HMCN1: variants seen among roughly 807,000 people sequenced by gnomAD.
HMCN1 encodes hemicentin 1.
A neutral mutation model predicts 625.9 loss-of-function variants in HMCN1; 321 were observed. The ratio of observed to expected loss-of-function variants is 0.51; its 90% confidence interval spans 0.47 to 0.56. The LOEUF (loss-of-function observed/expected upper bound fraction) is 0.56, where lower values mean the gene tolerates loss of function less well. Among genes scored for constraint, HMCN1 ranks in the 20% least tolerant of loss-of-function variants. The pLI is 0.00. For missense variants in HMCN1, 6,588 were observed against 6,887.3 expected (o/e 0.96, Z 1.54); for synonymous variants, 2,425 against 2,417.6 (o/e 1.00, Z -0.09).
In HMCN1 at chr1:185,990,500, G is replaced by T. The variant is rs1652352766; in HGVS notation, c.3377+57G>T. On this transcript the variant is annotated intron_variant, in intron 22 of 106. Coordinates refer to ENST00000271588, the MANE Select transcript of HMCN1 (RefSeq NM_031935.3). ...AAAACATAATCAACCTCTTGGGACA[G>T]ATGGCCATGCCTATTCAGGTTATCA... 25 of 1,447,736 alleles carry T rather than the reference G, an allele frequency of 1.7e-5. 1 individual carries two copies. In the South Asian group the frequency reaches 2.9e-4, roughly 17 times the overall value. 89.7% of individuals were successfully genotyped at this position (1,447,736 alleles called of 1,614,324 possible). A position where few individuals can be genotyped will look rare whatever the true frequency, so the allele number is the denominator to read the frequency against.
At position 186,117,059 on chromosome 1, in the gene HMCN1, G is replaced by T. The variant is rs1332676578; in HGVS notation, c.11627G>T (p.Cys3876Phe). The T allele has an allele frequency of 6.2e-7, 1 of 1,613,538 alleles. No individual in the cohort carries two copies. The highest frequency in any genetic ancestry group is 8.5e-7 in the Non-Finnish European group (1 of 1,179,568). The change falls in exon 76 of 107, where the codon TGT (cysteine) becomes TTT (phenylalanine). Residue 3876 changes from cysteine (C) to phenylalanine (F), a missense_variant. Cys to Phe is a radical substitution (Grantham distance 205). Around this residue, in one of 3 missense-constraint regions of HMCN1, gnomAD observed 4,628 missense variants for 4,853.1 expected, o/e 0.95. Coordinates refer to ENST00000271588, the MANE Select transcript of HMCN1 (RefSeq NM_031935.3). ...PSVDDTATYECTVTNGAGDDK... is the reference protein window; with the variant it reads ...PSVDDTATYEFTVTNGAGDDK... ...GTGGATGACACTGCAACCTATGAATGTACTGTGACAAACGGTGCTGGAGAT... is the reference window on the plus strand; with the variant it reads ...GTGGATGACACTGCAACCTATGAATTTACTGTGACAAACGGTGCTGGAGAT...
chr1:186,045,829 G>T lies in HMCN1; in HGVS notation c.6446G>T (p.Gly2149Val). Residue 2149 changes from glycine to valine, a missense_variant, in exon 41 of 107, where the codon GGC becomes GTC. Physicochemically the swap from Gly to Val is moderately radical, Grantham distance 109. Transcript: ENST00000271588. ...GGCCACCCCTTGCTGAAGAAACCAG[G>T]CCTCAGTATATCTGAAAATAGAAGT... ...KDGHPLLKKP[G>V]LSISENRSVL... The T allele has an allele frequency of 6.2e-7, 1 of 1,612,574 alleles. No homozygotes were observed. Among genetic ancestry groups the T allele is most frequent in the Non-Finnish European group, 8.5e-7 (1 of 1,178,874 alleles).
At position 185,780,244 on chromosome 1, in the gene HMCN1, T is replaced by G. The variant is rs565748575; in HGVS notation, c.268+45197T>G. On this transcript the variant is annotated intron_variant, in intron 1 of 106. Coordinates refer to ENST00000271588, the MANE Select transcript of HMCN1 (RefSeq NM_031935.3). Reference sequence around the variant, plus strand: ...GTTGCTTATCAGCTTAAGGAGATTTTGGGCTGAGATGATGGGGTTTTCTAA... The same window carrying G: ...GTTGCTTATCAGCTTAAGGAGATTTGGGGCTGAGATGATGGGGTTTTCTAA... Among the ~76,000 whole-genome samples, 572 of 152,342 alleles carry G rather than the reference T, an allele frequency of 3.8e-3. 3 individuals are homozygous for G. The highest frequency in any genetic ancestry group is 0.013 in the African/African-American group (542 of 41,568).
intron 1 of HMCN1, among the ~76,000 whole-genome samples, chr1:185,788,446 G>T (rs1426973923): frequency 6.6e-6 from 1 of 152,220 alleles, no homozygotes; most frequent in Non-Finnish European, 1.5e-5. Context: ...AAATGGAAAA[G>T]ATGTACTGTT....
chr1:186,025,010 A>C (rs1258360667), intron 36 of HMCN1, among the ~76,000 whole-genome samples: 1 of 152,188 alleles, frequency 6.6e-6, no homozygotes, highest in Admixed American at 6.6e-5. Flanking sequence ...CATAATGTAG[A>C]ATCAGTGGAA....
Position 186,187,972 on chromosome 1 carries a change from C to A in HMCN1, c.16504C>A (p.Pro5502Thr). The stretch of plus-strand genomic sequence containing the variant: ...AGGAAGCTACCAGTGCATCGATACA[C>A]CCTGTCCACCCAACTACCAACGGGA... ...MRGSYQCIDT[P>T]CPPNYQRDPV... is the part of the protein sequence containing the mutation. The change falls in exon 106 of 107, where the codon CCC becomes ACC. Residue 5502 changes from proline (P) to threonine (T), a missense_variant. Coordinates refer to ENST00000271588, the MANE Select transcript of HMCN1 (RefSeq NM_031935.3). 6.2e-7 allele frequency: 1 copy of A among 1,613,850 alleles called. No homozygotes were observed.
chr1:186,173,640 C>CAAAAAAAA (rs762258823), intron 102 of HMCN1, among the ~76,000 whole-genome samples: 4 of 74,668 alleles, frequency 5.4e-5, no homozygotes, highest in African/African-American at 1.0e-4. Flanking sequence ...GACTCCATCT[C>CAAAAAAAA]AAAAAAAAAA....
chr1:185,859,353 G>A (rs1662724421), intron 2 of HMCN1, among the ~76,000 whole-genome samples: 1 of 151,970 alleles, frequency 6.6e-6, no homozygotes, highest in African/African-American at 2.4e-5. Flanking sequence ...TCAATCAAAT[G>A]TATCATTCTA....
chr1:186,086,833 TAGATA>T (rs1169780277), intron 58 of HMCN1, among the ~76,000 whole-genome samples: 4 of 105,328 alleles, frequency 3.8e-5, no homozygotes, highest in Non-Finnish European at 8.7e-5. Flanking sequence ...GATAGATAGA[TAGATA>T]GATAGATAGA....
chr1:186,001,626 C>A lies in HMCN1; in HGVS notation c.4233C>A (p.Asn1411Lys). 6.2e-7 allele frequency: 1 copy of A among 1,613,096 alleles called. No homozygotes were observed. Among genetic ancestry groups the A allele is most frequent in the Non-Finnish European group, 8.5e-7 (1 of 1,179,326 alleles). Residue 1411 changes from asparagine to lysine, a missense_variant, in exon 28 of 107, where the codon AAC (asparagine) becomes AAA (lysine). Asn to Lys is a moderately conservative substitution (Grantham distance 94). Coordinates refer to ENST00000271588, the MANE Select transcript of HMCN1 (RefSeq NM_031935.3). ...AAAGCAGCACTATTCAGACTGTGAA[C>A]AATGGGAAGATACTGAAGCTCTTCA... ...VTESSTIQTV[N>K]NGKILKLFRA... is the part of the protein sequence containing the mutation.
Position 186,115,226 on chromosome 1 carries a change from T to G in HMCN1, c.11405-32T>G, listed in dbSNP as rs771722654. The G allele has an allele frequency of 4.3e-6, 7 of 1,612,816 alleles. No individual in the cohort carries two copies. The South Asian group carries it at 7.7e-5, about 18-fold the overall frequency. On this transcript the variant is annotated intron_variant, in intron 74 of 106. Coordinates refer to ENST00000271588, the MANE Select transcript of HMCN1 (RefSeq NM_031935.3). ...CAAATGGCACGCTATTTGCTGACTG[T>G]GTTTCCTTCTTATTTGGTGACATTG...
rs1180644579 is a variant in HMCN1, at chr1:185,808,282, G to T, written c.269-37744G>T. On this transcript the variant is annotated intron_variant, in intron 1 of 106. Coordinates refer to ENST00000271588, the MANE Select transcript of HMCN1 (RefSeq NM_031935.3). Reference sequence around the variant, plus strand: ...GAATCCCTTGAACCTCAGAAGCAGAGGTTGCAGATAGCTGAGATCATGCCA... The same window carrying T: ...GAATCCCTTGAACCTCAGAAGCAGATGTTGCAGATAGCTGAGATCATGCCA... 3.9e-5 allele frequency among the ~76,000 whole-genome samples: 6 copies of T among 152,218 alleles called. No individual in the cohort carries two copies. The East Asian group carries it at 1.2e-3, about 29-fold the overall frequency.
In HMCN1 at chr1:186,066,498, G is replaced by A. The variant is rs78779584; in HGVS notation, c.7705+1069G>A. Among the ~76,000 whole-genome samples the A allele has an allele frequency of 7.2e-5, 11 of 152,050 alleles. No individual in the cohort carries two copies. In the South Asian group the frequency reaches 2.1e-3, roughly 29 times the overall value. On this transcript the variant is annotated intron_variant, in intron 49 of 106. Transcript: ENST00000271588. ...AGTTACTCCTTGCACTTACACCCTC[G>A]ACCCTGTATCTTTCCACCATCTGCC... is the stretch of plus-strand genomic sequence containing the variant.
At chr1:185,795,937 C>G (rs1382767556) in intron 1 of HMCN1, among the ~76,000 whole-genome samples, 1 of 152,092 alleles carries the variant, frequency 6.6e-6, no homozygotes, top group African/African-American at 2.4e-5. Context: ...TATAGCTATG[C>G]TACCTTATTA....
intron 1 of HMCN1, among the ~76,000 whole-genome samples, chr1:185,795,639 C>T (rs144452486): frequency 2.5e-4 from 38 of 152,280 alleles, no homozygotes; most frequent in Non-Finnish European, 4.9e-4. Context: ...ATTGATAGAT[C>T]ATGAAGAGGA....
At chr1:185,894,487 A>G (rs1278256492) in intron 4 of HMCN1, among the ~76,000 whole-genome samples, 1 of 152,226 alleles carries the variant, frequency 6.6e-6, no homozygotes, top group East Asian at 1.9e-4. Flanking sequence ...ATACAAATGT[A>G]CTAATTTTTC....
intron 1 of HMCN1, among the ~76,000 whole-genome samples, chr1:185,791,288 A>G (rs1437749014): frequency 6.6e-6 from 1 of 151,998 alleles, no homozygotes; most frequent in Non-Finnish European, 1.5e-5. Flanking sequence ...TGTTATGTGA[A>G]TAAAATAAAC....
intron 11 of HMCN1, among the ~76,000 whole-genome samples, chr1:185,942,990 T>C (rs1330100048): frequency 6.6e-6 from 1 of 152,010 alleles, no homozygotes; most frequent in Non-Finnish European, 1.5e-5. Context: ...CACATACCAC[T>C]CAATACAACA....
chr1:185,773,227 T>C (rs1181610683), intron 1 of HMCN1, among the ~76,000 whole-genome samples: 1 of 152,184 alleles, frequency 6.6e-6, no homozygotes, highest in African/African-American at 2.4e-5. Flanking sequence ...ATGTAGGATG[T>C]AGATGCCAGG....
Sources: allele counts gnomAD v4.1 joint callset (sites outside exome capture counted in the v4.1 genomes callset), GRCh38; gene constraint gnomAD v4.1.1; regional missense constraint gnomAD v4.1.1; transcripts MANE v1.5; gene names NCBI Gene and HGNC (gene_info 2026-07-23, HGNC 2026-07-21).